The following TNPO3 variants were observed in gnomAD, a reference collection of about 807,000 sequenced individuals.
The protein encoded by TNPO3 is transportin-3.
A neutral mutation model predicts 122.8 loss-of-function variants in TNPO3; 65 were observed. The observed-to-expected ratio is 0.53, with a 90% CI of 0.43 to 0.65. The LOEUF (loss-of-function observed/expected upper bound fraction) is 0.65. Among genes scored for constraint, TNPO3 ranks in the 30% least tolerant of loss-of-function variants. The probability of loss-of-function intolerance (pLI) is 0.00; values close to 1 mark genes in which losing one functional copy is unlikely to be tolerated. For synonymous variants in TNPO3, 372 were observed against 411.2 expected, an observed-to-expected ratio of 0.90 and a Z score of 1.15; for missense variants, 850 against 1,136.7, an observed-to-expected ratio of 0.75 and a Z score of 3.63.
At chr7:128,976,692 A>G (rs1563090772) in intron 16 of TNPO3, among the ~76,000 whole-genome samples, 2 of 152,190 alleles carry the variant, frequency 1.3e-5, no homozygotes, top group African/African-American at 2.4e-5. Flanking sequence ...ATCCTCCCAG[A>G]ATTAAGAAAC....
At chr7:129,004,256 A>ATACATGC (rs1311655856) in intron 5 of TNPO3, among the ~76,000 whole-genome samples, 2 of 152,190 alleles carry the variant, frequency 1.3e-5, no homozygotes, top group African/African-American at 2.4e-5. Flanking sequence ...ATACATTCAC[A>ATACATGC]ATACATGCAG....
chr7:128,984,062 G>T, intron 13 of TNPO3, 106 bp downstream of exon 13: 2 of 596,398 alleles, frequency 3.4e-6, no homozygotes, highest in South Asian at 3.6e-5. Context: ...GCATTTTCTT[G>T]GATTTTCTAG....
chr7:129,026,614 G>A (rs1805210554), intron 1 of TNPO3, among the ~76,000 whole-genome samples: 1 of 151,926 alleles, frequency 6.6e-6, no homozygotes, highest in Non-Finnish European at 1.5e-5. Context: ...TGTTGGCCAG[G>A]CTGGTCTCAA....
intron 4 of TNPO3, among the ~76,000 whole-genome samples, chr7:129,006,065 G>A (rs1379128537): frequency 6.6e-6 from 1 of 152,112 alleles, no homozygotes; most frequent in African/African-American, 2.4e-5. Context: ...TTACAGGCAT[G>A]AGCCACTGAG....
At chr7:128,982,400 C>G in intron 13 of TNPO3, 76 bp from the exon 14 acceptor site, 1 of 1,285,854 alleles carries the variant, frequency 7.8e-7, no homozygotes, top group Non-Finnish European at 1.1e-6. Flanking sequence ...CATACATCAA[C>G]CTTTGTCTCA....
chr7:129,012,613 C>G (rs1471408360), intron 4 of TNPO3, among the ~76,000 whole-genome samples: 1 of 152,128 alleles, frequency 6.6e-6, no homozygotes, highest in Non-Finnish European at 1.5e-5. Flanking sequence ...TTTTTTTACC[C>G]TACCCTAAAC....
Position 129,005,105 on chromosome 7 carries a change from G to C in TNPO3, c.607C>G (p.Arg203Gly). 1 of 1,613,838 alleles carries C rather than the reference G, an allele frequency of 6.2e-7. No individual in the cohort carries two copies. The highest frequency in any genetic ancestry group is 8.5e-7 in the Non-Finnish European group (1 of 1,179,910). The change falls in exon 5 of 23, where the codon CGC becomes GGC. Residue 203 changes from arginine to glycine, a missense_variant. By Grantham distance (125) the Arg-to-Gly change is moderately radical (BLOSUM62 -2). Coordinates refer to ENST00000265388, the MANE Select transcript of TNPO3 (RefSeq NM_012470.4). ...TDEKMLMKVF[R>G]CLGSWFNLGV... ...AAGTTAAACCAACTTCCCAAACAGC[G>C]AAAAACCTTCATAAGCATTTTCTCA...
intron 21 of TNPO3, among the ~76,000 whole-genome samples, chr7:128,964,547 G>T (rs750813257): frequency 6.6e-6 from 1 of 152,032 alleles, no homozygotes; most frequent in Non-Finnish European, 1.5e-5. Context: ...GTTTTAGCCA[G>T]GATGGTCTCA....
intron 21 of TNPO3, among the ~76,000 whole-genome samples, chr7:128,963,948 C>T (rs1585321112): frequency 2.6e-5 from 4 of 152,300 alleles, no homozygotes; most frequent in South Asian, 2.1e-4. Flanking sequence ...CCTAGTCTCA[C>T]TTATATATCT....
chr7:129,042,348 G>A (rs1163886138), intron 1 of TNPO3, among the ~76,000 whole-genome samples: 2 of 152,106 alleles, frequency 1.3e-5, no homozygotes, highest in Non-Finnish European at 2.9e-5. Context: ...TGGGAAGGAA[G>A]ACTACATCAG....
chr7:129,012,439 C>G (rs550815965), intron 4 of TNPO3, among the ~76,000 whole-genome samples: 1 of 152,120 alleles, frequency 6.6e-6, no homozygotes. Flanking sequence ...GTTAAGTATC[C>G]CTAATCCAAA....
intron 5 of TNPO3, among the ~76,000 whole-genome samples, chr7:129,002,325 A>G (rs1485293246): frequency 2.0e-5 from 3 of 152,258 alleles, no homozygotes; most frequent in African/African-American, 7.2e-5. Flanking sequence ...GACAAGTCCC[A>G]AGATGACAGG....
intron 8 of TNPO3, among the ~76,000 whole-genome samples, chr7:128,996,401 C>T (rs931595821): frequency 1.1e-4 from 17 of 151,966 alleles, no homozygotes; most frequent in African/African-American, 2.7e-4. Flanking sequence ...AAATATTTCA[C>T]TTTTGTATTA....
intron 1 of TNPO3, among the ~76,000 whole-genome samples, chr7:129,045,951 G>C (rs1807983453): frequency 6.6e-6 from 1 of 152,140 alleles, no homozygotes; most frequent in South Asian, 2.1e-4. Context: ...TGTAATCCCA[G>C]CACTCTGGGA....
At chr7:129,039,650 T>C (rs753070593) in intron 1 of TNPO3, among the ~76,000 whole-genome samples, 1 of 152,122 alleles carries the variant, frequency 6.6e-6, no homozygotes, top group African/African-American at 2.4e-5. Context: ...TCACAAACGA[T>C]AGCCAAAAAG....
intron 8 of TNPO3, 36 bp from the exon 9 acceptor site, chr7:128,993,950 T>G (rs1432514264): frequency 6.4e-7 from 1 of 1,569,016 alleles, no homozygotes; most frequent in Non-Finnish European, 8.7e-7. Flanking sequence ...TGCTTTAAAC[T>G]CACTGCGGCT....
intron 1 of TNPO3, among the ~76,000 whole-genome samples, chr7:129,044,541 G>A (rs1199886033): frequency 6.6e-6 from 1 of 152,174 alleles, no homozygotes; most frequent in Non-Finnish European, 1.5e-5. Context: ...GTACTTTTAA[G>A]AGTATGTACA....
chr7:128,980,133 TAAAG>T, intron 14 of TNPO3, 102 bp from the exon 15 acceptor site: 1 of 971,028 alleles, frequency 1.0e-6, no homozygotes. Context: ...TTTCACCAAA[TAAAG>T]AAAACCAGAT....
intron 8 of TNPO3, among the ~76,000 whole-genome samples, chr7:128,997,112 C>G (rs1185655666): frequency 6.6e-6 from 1 of 152,150 alleles, no homozygotes; most frequent in African/African-American, 2.4e-5. Flanking sequence ...CCCAACTCAG[C>G]TTCCTGAGTA....
Sources: allele counts gnomAD v4.1 joint callset (sites outside exome capture counted in the v4.1 genomes callset), GRCh38; gene constraint gnomAD v4.1.1; transcripts MANE v1.5; gene names NCBI Gene and HGNC (gene_info 2026-07-23, HGNC 2026-07-21).